PPP2CA: variants seen among roughly 807,000 people sequenced by gnomAD.
PPP2CA encodes the protein protein phosphatase 2 catalytic subunit alpha, also known as serine/threonine-protein phosphatase 2A catalytic subunit alpha isoform.
A neutral mutation model predicts 38.8 loss-of-function variants in PPP2CA; 5 were observed. The ratio of observed to expected loss-of-function variants is 0.13; its 90% confidence interval spans 0.07 to 0.27. PPP2CA has a LOEUF of 0.27. PPP2CA is among the 10% of genes least tolerant of loss of function. The pLI is 1.00. For synonymous variants in PPP2CA, 152 were observed against 134.0 expected (o/e 1.13, Z -0.93); for missense variants, 88 against 389.7 (o/e 0.23, Z 6.52).
At chr5:134,208,011 T>G (rs1762119214) in intron 1 of PPP2CA, among the ~76,000 whole-genome samples, 1 of 152,178 alleles carries the variant, frequency 6.6e-6, no homozygotes, top group African/African-American at 2.4e-5. Context: ...TAATACCACA[T>G]CTAGTGTTTT....
At chr5:134,199,043 C>T in intron 6 of PPP2CA, 43 bp downstream of exon 6, 1 of 1,458,256 alleles carries the variant, frequency 6.9e-7, no homozygotes, top group Non-Finnish European at 9.6e-7. Context: ...CAAAACCCTA[C>T]ATATTCAGTA....
rs578219981 is a variant in PPP2CA at position 134,222,832 on chromosome 5, T to C, written c.102+2928A>G. Among the ~76,000 whole-genome samples, 12 of 152,364 alleles carry C rather than the reference T, an allele frequency of 7.9e-5. No individual in the cohort carries two copies. In the South Asian group the frequency reaches 2.5e-3, roughly 32 times the overall value. ...TGATTCTCAAGATGACAAAGTATAC[T>C]ATACACTAACAACCTTGGCTTTTGT... On this transcript the variant is annotated intron_variant, in intron 1 of 6. Transcript: ENST00000481195.
chr5:134,222,378 G>A (rs976972136), intron 1 of PPP2CA, among the ~76,000 whole-genome samples: 1 of 151,990 alleles, frequency 6.6e-6, no homozygotes, highest in African/African-American at 2.4e-5. Context: ...ATGTCATCTT[G>A]GTCAAATATT....
intron 2 of PPP2CA, 37 bp from the exon 3 acceptor site, chr5:134,202,058 CT>C (rs776771741): frequency 3.7e-5 from 56 of 1,528,110 alleles, no homozygotes; most frequent in Non-Finnish European, 4.7e-5. Context: ...ACAACTAGCT[CT>C]TTCAAAAACC....
rs894422019 is a variant in PPP2CA at position 134,195,307 on chromosome 5, G to T, written c.*2465C>A. On this transcript the variant is annotated 3_prime_UTR_variant, in exon 7 of 7. Coordinates refer to ENST00000481195, the MANE Select transcript of PPP2CA (RefSeq NM_002715.4). The stretch of plus-strand genomic sequence containing the variant: ...GCTCTGTCACCCAGACTGGAGTACA[G>T]TGGCACAATCTCAGCCCACTGCAAC... 1 of 152,174 alleles carries T rather than the reference G, an allele frequency of 6.6e-6. No homozygotes were observed. The highest frequency in any genetic ancestry group is 1.5e-5 in the Non-Finnish European group (1 of 68,058). The allele number at this position is 152,174 out of a possible 1,614,324, so 9.4% of individuals were successfully genotyped here.
intron 1 of PPP2CA, among the ~76,000 whole-genome samples, chr5:134,223,222 A>G (rs937397748): frequency 6.6e-6 from 1 of 152,152 alleles, no homozygotes; most frequent in Non-Finnish European, 1.5e-5. Context: ...TAGCCCTCAA[A>G]TTTTCAAAAT....
chr5:134,211,775 G>A (rs1762207680), intron 1 of PPP2CA, among the ~76,000 whole-genome samples: 2 of 151,712 alleles, frequency 1.3e-5, no homozygotes, highest in South Asian at 4.2e-4. Context: ...TGCGCCCAGT[G>A]GAAGACAATT....
intron 1 of PPP2CA, among the ~76,000 whole-genome samples, chr5:134,220,229 T>C (rs1158455387): frequency 6.6e-6 from 1 of 150,966 alleles, no homozygotes; most frequent in African/African-American, 2.4e-5. Flanking sequence ...GAGGCTGAGA[T>C]GGGTGGATCA....
intron 1 of PPP2CA, 63 bp downstream of exon 1, chr5:134,225,697 G>A: frequency 6.6e-7 from 1 of 1,507,926 alleles, no homozygotes. Context: ...CCCTCCTCAC[G>A]GCCGCCTTTT....
chr5:134,215,420 C>T (rs1762296692), intron 1 of PPP2CA, among the ~76,000 whole-genome samples: 1 of 151,704 alleles, frequency 6.6e-6, no homozygotes, highest in South Asian at 2.1e-4. Flanking sequence ...AAAAAAAATA[C>T]AAAAATATTC....
At position 134,201,715 on chromosome 5, in the gene PPP2CA, G is replaced by A. The variant is rs1273631801; in HGVS notation, c.486+133C>T. On this transcript the variant is annotated intron_variant, in intron 3 of 6. Coordinates refer to ENST00000481195, the MANE Select transcript of PPP2CA (RefSeq NM_002715.4). The stretch of plus-strand genomic sequence containing the variant: ...GTCAAATTAAATTTTTTTTAAGTTT[G>A]AATGAATGCTATCAATATCTATTAA... 5 of 1,016,978 alleles carry A rather than the reference G, an allele frequency of 4.9e-6. No homozygotes were observed. The East Asian group carries it at 1.4e-4, about 28-fold the overall frequency. The allele number at this position is 1,016,978 out of a possible 1,614,324, so 63.0% of individuals were successfully genotyped here. A position where few individuals can be genotyped will look rare whatever the true frequency, so the allele number is the denominator to read the frequency against.
intron 1 of PPP2CA, among the ~76,000 whole-genome samples, chr5:134,209,190 C>T (rs1454057050): frequency 6.6e-6 from 1 of 152,068 alleles, no homozygotes; most frequent in East Asian, 1.9e-4. Context: ...TCCCTTCCTA[C>T]CAAACTTCAC....
At chr5:134,206,214 G>T in intron 1 of PPP2CA, 83 bp from the exon 2 acceptor site, 1 of 1,168,004 alleles carries the variant, frequency 8.6e-7, no homozygotes. Flanking sequence ...ACTTAATGTA[G>T]CTTAAGGGGC....
intron 4 of PPP2CA, 121 bp downstream of exon 4, chr5:134,200,864 T>C (rs1580636969): frequency 3.8e-6 from 3 of 796,268 alleles, no homozygotes; most frequent in Non-Finnish European, 6.1e-6. Flanking sequence ...CAGACAAGAG[T>C]GCTCACACCT....
chr5:134,225,570 C>G, intron 1 of PPP2CA, 190 bp downstream of exon 1: 2 of 507,410 alleles, frequency 3.9e-6, no homozygotes, highest in South Asian at 5.1e-5. Flanking sequence ...GCGGCGGCAA[C>G]CAATCCCTGC....
At chr5:134,225,501 GCGC>G (rs1762552187) in intron 1 of PPP2CA, 1 of 416,578 alleles carries the variant, frequency 2.4e-6, no homozygotes, top group African/African-American at 2.1e-5. Flanking sequence ...ACCTCGTCTG[GCGC>G]CAAGGCCGGC....
chr5:134,209,881 G>A (rs1040224308), intron 1 of PPP2CA, among the ~76,000 whole-genome samples: 13 of 152,046 alleles, frequency 8.6e-5, no homozygotes, highest in African/African-American at 3.1e-4. Flanking sequence ...AGACCAGCCT[G>A]GGCAACAACA....
In PPP2CA at chr5:134,200,499, A is replaced by G; in HGVS notation, c.577-3T>C. ...CACAGCAAGTCACACATTGGACCCT[A>G]AAAAATAACTTCAAGTTATAAAATG... On this transcript the variant is annotated splice_region_variant and splice_polypyrimidine_tract_variant and intron_variant, in intron 4 of 6. Coordinates refer to ENST00000481195, the MANE Select transcript of PPP2CA (RefSeq NM_002715.4). The G allele has an allele frequency of 1.2e-6, 2 of 1,605,032 alleles. No individual in the cohort carries two copies. Among genetic ancestry groups the G allele is most frequent in the Non-Finnish European group, 1.7e-6 (2 of 1,177,484 alleles).
intron 4 of PPP2CA, among the ~76,000 whole-genome samples, chr5:134,200,714 G>A (rs1286593702): frequency 6.6e-6 from 1 of 152,204 alleles, no homozygotes; most frequent in African/African-American, 2.4e-5. Flanking sequence ...GGACCCAGCA[G>A]CAACATGCCC....
Sources: gnomAD v4.1 joint callset for allele counts (sites outside exome capture counted in the v4.1 genomes callset) on GRCh38, gnomAD v4.1.1 for gene constraint, MANE v1.5 for transcripts, NCBI Gene and HGNC (gene_info 2026-07-23, HGNC 2026-07-21) for gene names.